Variants in UBE2Q2 observed in about 807,000 individuals in gnomAD.
UBE2Q2 encodes ubiquitin conjugating enzyme E2 Q2.
A neutral mutation model predicts 59.9 loss-of-function variants in UBE2Q2; 54 were observed. The observed-to-expected ratio is 0.90, with a 90% CI of 0.72 to 1.13. UBE2Q2 has a LOEUF of 1.13. Ranked by LOEUF, UBE2Q2 falls within the 50% of genes most tolerant of loss-of-function variation. The pLI, the probability that UBE2Q2 is intolerant of heterozygous loss-of-function variation, is 0.00. For missense variants in UBE2Q2, 433 were observed against 441.9 expected (o/e 0.98, Z 0.18); for synonymous variants, 165 against 155.2 (o/e 1.06, Z -0.47).
At chr15:75,859,616 T>G (rs1370876601) in intron 2 of UBE2Q2, among the ~76,000 whole-genome samples, 1 of 152,238 alleles carries the variant, frequency 6.6e-6, no homozygotes, top group African/African-American at 2.4e-5. Flanking sequence ...TTGGACAATG[T>G]CTGGAACTTC....
chr15:75,894,714 C>T (rs1435063724), intron 11 of UBE2Q2, among the ~76,000 whole-genome samples: 3 of 151,992 alleles, frequency 2.0e-5, no homozygotes, highest in Non-Finnish European at 4.4e-5. Context: ...TTTGTTTAAA[C>T]TGGGCTTTTG....
chr15:75,850,396 C>T (rs1010237307), intron 1 of UBE2Q2, among the ~76,000 whole-genome samples: 1 of 152,018 alleles, frequency 6.6e-6, no homozygotes, highest in South Asian at 2.1e-4. Flanking sequence ...ATTGTAGATC[C>T]GTGTTATAAC....
chr15:75,853,580 A>G (rs1409089249), intron 1 of UBE2Q2, among the ~76,000 whole-genome samples: 2 of 152,122 alleles, frequency 1.3e-5, no homozygotes, highest in African/African-American at 2.4e-5. Context: ...TGTGTGATAG[A>G]TTAAAACATT....
intron 7 of UBE2Q2, chr15:75,878,248 GT>G (rs1898193860): frequency 5.9e-6 from 3 of 505,132 alleles, no homozygotes; most frequent in Non-Finnish European, 7.0e-6. Flanking sequence ...GGGATAAAGT[GT>G]TTTATGGAGT....
intron 9 of UBE2Q2, among the ~76,000 whole-genome samples, chr15:75,889,745 T>C (rs1898991516): frequency 6.6e-6 from 1 of 152,248 alleles, no homozygotes; most frequent in Non-Finnish European, 1.5e-5. Flanking sequence ...GCATGATATT[T>C]ATGTATTTTG....
intron 9 of UBE2Q2, among the ~76,000 whole-genome samples, chr15:75,886,866 T>A (rs1313105332): frequency 6.9e-6 from 1 of 144,386 alleles, no homozygotes; most frequent in African/African-American, 2.5e-5. Context: ...CCGTCTCAAA[T>A]TTTTTTTTTT....
chr15:75,877,887 G>T, intron 6 of UBE2Q2, 74 bp from the exon 7 acceptor site: 9 of 1,377,508 alleles, frequency 6.5e-6, no homozygotes, highest in South Asian at 1.3e-5. Flanking sequence ...TGGCTATTTA[G>T]TGTATACATT....
chr15:75,876,217 G>T lies in UBE2Q2; in HGVS notation c.619G>T (p.Asp207Tyr). The change falls in exon 6 of 13, where the codon GAT (aspartate) becomes TAT (tyrosine). Residue 207 changes from aspartate (D) to tyrosine (Y), a missense_variant. Coordinates refer to ENST00000267938, the MANE Select transcript of UBE2Q2 (RefSeq NM_173469.4). ...AGTGTCTGGGTCAGTGCAAGCTTCA[G>T]ATAGACTTATGAAAGAGCTCAGGGA... is the stretch of plus-strand genomic sequence containing the variant. The part of the protein sequence containing the change: ...GAVSGSVQAS[D>Y]RLMKELRDIY... The T allele has an allele frequency of 1.2e-6, 2 of 1,614,010 alleles. No homozygotes were observed.
In UBE2Q2 at chr15:75,879,103, A is replaced by G; in HGVS notation, c.740A>G (p.Asp247Gly). Residue 247 changes from aspartate (D) to glycine (G), a missense_variant, in exon 8 of 13, where the codon GAC (aspartate) becomes GGC (glycine). Physicochemically the swap from Asp to Gly is moderately conservative, Grantham distance 94 (BLOSUM62 -1). Coordinates refer to ENST00000267938, the MANE Select transcript of UBE2Q2 (RefSeq NM_173469.4). ...TTTTGTTTTGTAATTCTTAGGGTTG[A>G]CCCTGATAGTCCTTTGCACAGTGAT... ...YDWHVKLQKV[D>G]PDSPLHSDLQ... 6.4e-7 allele frequency: 1 copy of G among 1,568,724 alleles called. No individual in the cohort carries two copies. The highest frequency in any genetic ancestry group is 8.6e-7 in the Non-Finnish European group (1 of 1,161,738).
At chr15:75,866,339 GCTA>G (rs1295378616) in intron 3 of UBE2Q2, among the ~76,000 whole-genome samples, 1 of 151,882 alleles carries the variant, frequency 6.6e-6, no homozygotes, top group Non-Finnish European at 1.5e-5. Flanking sequence ...ACCGTGCATG[GCTA>G]CTTTTTAAAA....
chr15:75,870,480 G>A (rs1897727221), intron 4 of UBE2Q2, among the ~76,000 whole-genome samples: 1 of 152,174 alleles, frequency 6.6e-6, no homozygotes, highest in African/African-American at 2.4e-5. Flanking sequence ...TAAACTGCAT[G>A]AAAACATTAA....
At position 75,856,711 on chromosome 15, in the gene UBE2Q2, A is replaced by G. The variant is rs541912200; in HGVS notation, c.282+2224A>G. On this transcript the variant is annotated intron_variant, in intron 2 of 12. Transcript: ENST00000267938. The stretch of plus-strand genomic sequence containing the variant: ...GTAATCCCAGAACTTTAGGAGGCCC[A>G]GGCAGGCGGATCAGTTGAGGTGGGG... Among the ~76,000 whole-genome samples, 6 of 152,314 alleles carry G rather than the reference A, an allele frequency of 3.9e-5. No homozygotes were observed. The East Asian group carries it at 9.7e-4, about 25-fold the overall frequency.
intron 1 of UBE2Q2, chr15:75,844,564 C>T (rs944380686): frequency 6.9e-7 from 1 of 1,455,812 alleles, no homozygotes; most frequent in Non-Finnish European, 9.3e-7. Flanking sequence ...GAGATACGCG[C>T]CAGGGCTGCT....
intron 11 of UBE2Q2, among the ~76,000 whole-genome samples, chr15:75,896,245 T>A (rs1899415773): frequency 6.6e-6 from 1 of 152,178 alleles, no homozygotes; most frequent in Non-Finnish European, 1.5e-5. Context: ...GGGAGGAAAC[T>A]GGGTGTTCAG....
At chr15:75,843,913 G>A in intron 1 of UBE2Q2, 67 bp downstream of exon 1, 1 of 1,467,996 alleles carries the variant, frequency 6.8e-7, no homozygotes, top group Non-Finnish European at 9.0e-7. Context: ...CGAGTCCCGG[G>A]ACAAAGGGGA....
intron 5 of UBE2Q2, among the ~76,000 whole-genome samples, chr15:75,875,295 A>ATT (rs36068593): frequency 6.6e-6 from 1 of 152,118 alleles, no homozygotes; most frequent in Non-Finnish European, 1.5e-5. Context: ...AGGAAACTTG[A>ATT]TTTTTCCCCC....
At chr15:75,848,840 A>T (rs1896492813) in intron 1 of UBE2Q2, among the ~76,000 whole-genome samples, 2 of 152,128 alleles carry the variant, frequency 1.3e-5, no homozygotes, top group Non-Finnish European at 2.9e-5. Context: ...ATCCTTTGTA[A>T]CAGTGTTATG....
chr15:75,871,230 C>T (rs1475693625), intron 4 of UBE2Q2, among the ~76,000 whole-genome samples: 1 of 152,264 alleles, frequency 6.6e-6, no homozygotes, highest in Non-Finnish European at 1.5e-5. Context: ...GCATGTCCCA[C>T]CTCCAGCCCT....
At chr15:75,873,397 G>A (rs767594318) in intron 4 of UBE2Q2, 31 bp from the exon 5 acceptor site, 1 of 1,559,118 alleles carries the variant, frequency 6.4e-7, no homozygotes, top group Non-Finnish European at 8.6e-7. Context: ...AAAATAGGTT[G>A]AATAAGCTAA....
Sources: allele counts gnomAD v4.1 joint callset (sites outside exome capture counted in the v4.1 genomes callset), GRCh38; gene constraint gnomAD v4.1.1; transcripts MANE v1.5; gene names NCBI Gene and HGNC (gene_info 2026-07-23, HGNC 2026-07-21).